The following SEZ6L2 variants were observed in gnomAD, a reference collection of about 807,000 sequenced individuals.
SEZ6L2 encodes the protein seizure 6-like protein 2.
In SEZ6L2, 44 loss-of-function variants were observed where a neutral mutation model predicts 97.0. The ratio of observed to expected loss-of-function variants is 0.45; its 90% CI spans 0.36 to 0.58. The LOEUF (loss-of-function observed/expected upper bound fraction) is 0.58. SEZ6L2 is among the 20% of genes least tolerant of loss of function. The pLI is 0.00. For missense variants in SEZ6L2, 1,086 were observed against 1,233.3 expected, an observed-to-expected ratio of 0.88 and a Z score of 1.79; for synonymous variants, 543 against 546.1, an observed-to-expected ratio of 0.99 and a Z score of 0.08.
chr16:29,878,156 C>T, intron 10 of SEZ6L2, 131 bp downstream of exon 10: 1 of 1,162,134 alleles, frequency 8.6e-7, no homozygotes, highest in Non-Finnish European at 1.2e-6. Context: ...ACCCTTAGTG[C>T]ACCAGCCTAT....
intron 1 of SEZ6L2, among the ~76,000 whole-genome samples, chr16:29,898,314 T>TC: frequency 6.6e-6 from 1 of 152,198 alleles, no homozygotes; most frequent in East Asian, 1.9e-4. Context: ...AGTGGTGATC[T>TC]CCCCCCAACC....
At chr16:29,893,519 T>A (rs1011825470) in intron 5 of SEZ6L2, among the ~76,000 whole-genome samples, 1 of 150,764 alleles carries the variant, frequency 6.6e-6, no homozygotes, top group Admixed American at 6.6e-5. Flanking sequence ...TAGTGGCAGG[T>A]GCCTGTAATC....
intron 6 of SEZ6L2, among the ~76,000 whole-genome samples, chr16:29,888,208 G>A (rs1416350367): frequency 6.6e-6 from 1 of 152,078 alleles, no homozygotes; most frequent in Non-Finnish European, 1.5e-5. Flanking sequence ...GGCTCTCTAG[G>A]ATAGAAGCCC....
chr16:29,882,628 T>C (rs2068053983), intron 8 of SEZ6L2, among the ~76,000 whole-genome samples: 2 of 149,832 alleles, frequency 1.3e-5, no homozygotes, highest in Non-Finnish European at 3.0e-5. Context: ...CTCTGTCACC[T>C]AGGCTGGAGC....
intron 7 of SEZ6L2, among the ~76,000 whole-genome samples, chr16:29,886,383 T>C (rs1052220017): frequency 3.4e-5 from 5 of 146,020 alleles, no homozygotes; most frequent in African/African-American, 1.3e-4. Context: ...AATAAATAAA[T>C]AGATAAATAA....
chr16:29,883,956 TA>T (rs1418351644), intron 8 of SEZ6L2, among the ~76,000 whole-genome samples: 1 of 151,344 alleles, frequency 6.6e-6, no homozygotes, highest in Non-Finnish European at 1.5e-5. Flanking sequence ...AATAATAAAA[TA>T]CCCTCTATCC....
intron 3 of SEZ6L2, among the ~76,000 whole-genome samples, chr16:29,896,079 C>T (rs1391612750): frequency 6.6e-6 from 1 of 152,096 alleles, no homozygotes; most frequent in Non-Finnish European, 1.5e-5. Context: ...CCTCCCTCCT[C>T]AGCCTCCCGA....
At chr16:29,881,500 T>C (rs915100272) in intron 8 of SEZ6L2, among the ~76,000 whole-genome samples, 1 of 152,136 alleles carries the variant, frequency 6.6e-6, no homozygotes, top group Non-Finnish European at 1.5e-5. Context: ...CAGTTTTTAC[T>C]TCAAGTCAGC....
Position 29,897,964 on chromosome 16 carries a change from C to T in SEZ6L2, c.100G>A (p.Glu34Lys). 1 of 1,613,650 alleles carries T rather than the reference C, an allele frequency of 6.2e-7. No homozygotes were observed. Among genetic ancestry groups the T allele is most frequent in the Non-Finnish European group, 8.5e-7 (1 of 1,179,750 alleles). Residue 34 changes from glutamate (E) to lysine (K), a missense_variant, in exon 2 of 18, where the codon GAG becomes AAG. Physicochemically the swap from Glu to Lys is moderately conservative, Grantham distance 56 (BLOSUM62 1). Coordinates refer to ENST00000617533, the MANE Select transcript of SEZ6L2 (RefSeq NM_001243332.2). ...TCACTTCCAGGCTCTGGCAATATCT[C>T]CTCCTCCTTCAGGGGCAGACCTAGG... The part of the protein sequence containing the change: ...WIQGLPLKEE[E>K]ILPEPGSETP...
intron 8 of SEZ6L2, among the ~76,000 whole-genome samples, chr16:29,881,876 C>T (rs1025645089): frequency 1.0e-4 from 15 of 148,770 alleles, no homozygotes; most frequent in African/African-American, 2.5e-4. Flanking sequence ...GTGATCCACC[C>T]GCCTCAGCCT....
chr16:29,893,681 T>C (rs990872616), intron 5 of SEZ6L2, among the ~76,000 whole-genome samples: 4 of 151,514 alleles, frequency 2.6e-5, no homozygotes, highest in Non-Finnish European at 4.4e-5. Flanking sequence ...AATATCTGCC[T>C]GTCACACCTG....
chr16:29,872,840 G>C, intron 14 of SEZ6L2, 97 bp from the exon 15 acceptor site: 1 of 972,666 alleles, frequency 1.0e-6, no homozygotes, highest in Non-Finnish European at 1.6e-6. Context: ...TGGACAGCCT[G>C]GTTCTCTCTG....
Position 29,878,359 on chromosome 16 carries a change from T to C in SEZ6L2, c.1640A>G (p.Tyr547Cys). 1 of 1,608,184 alleles carries C rather than the reference T, an allele frequency of 6.2e-7. No individual in the cohort carries two copies. The highest frequency in any genetic ancestry group is 8.5e-7 in the Non-Finnish European group (1 of 1,176,896). ...CCACACGCAGTCTTGGCCCGGGCTA[T>C]AGCTCTGGGGCCAGTCGGGAGAGAG... ...VVLSPDWPQS[Y>C]SPGQDCVWGV... Residue 547 changes from tyrosine (Y) to cysteine (C), a missense_variant, in exon 10 of 18, where the codon TAT becomes TGT. Coordinates refer to ENST00000617533, the MANE Select transcript of SEZ6L2 (RefSeq NM_001243332.2).
rs1038184879 is a variant in SEZ6L2, at chr16:29,871,519, G to A, written c.*180C>T. The stretch of plus-strand genomic sequence containing the variant: ...GAGAAGAGGCGGCTTTGGGCGGCAG[G>A]ATGCTGGTTTATTTACTGTAGGATC... On this transcript the variant is annotated 3_prime_UTR_variant, in exon 18 of 18. Transcript: ENST00000617533. The A allele has an allele frequency of 2.2e-5, 15 of 669,138 alleles. No individual in the cohort carries two copies. The highest frequency in any genetic ancestry group is 3.5e-5 in the Non-Finnish European group (13 of 371,726). The allele number at this position is 669,138 out of a possible 1,614,324, so 41.5% of individuals were successfully genotyped here.
rs776290201 is a variant in SEZ6L2, at chr16:29,897,953, T to C, written c.111A>G (p.Pro37=). ...GLPLKEEEIL[P]EPGSETPTVA... is the part of the protein sequence containing the mutation. ...CCGTGGGGGTCTCACTTCCAGGCTCTGGCAATATCTCCTCCTCCTTCAGGG... is the reference window on the plus strand; with the variant it reads ...CCGTGGGGGTCTCACTTCCAGGCTCCGGCAATATCTCCTCCTCCTTCAGGG... Residue 37 remains proline (P), a synonymous_variant, in exon 2 of 18, where the codon CCA becomes CCG. Coordinates refer to ENST00000617533, the MANE Select transcript of SEZ6L2 (RefSeq NM_001243332.2). 3.1e-6 allele frequency: 5 copies of C among 1,613,648 alleles called. No individual in the cohort carries two copies. The highest frequency in any genetic ancestry group is 2.7e-5 in the African/African-American group (2 of 74,940).
At chr16:29,898,191 CTCTCCCT>C (rs961337045) in intron 1 of SEZ6L2, among the ~76,000 whole-genome samples, 4 of 152,176 alleles carry the variant, frequency 2.6e-5, no homozygotes, top group African/African-American at 9.7e-5. Context: ...CTCCCCTCCC[CTCTCCCT>C]TCTCCCTGGG....
At chr16:29,885,485 G>T (rs2068117354) in intron 8 of SEZ6L2, 101 bp downstream of exon 8, 1 of 1,278,848 alleles carries the variant, frequency 7.8e-7, no homozygotes, top group Non-Finnish European at 1.1e-6. Context: ...AACCCAGCAC[G>T]GAGATGAACA....
intron 10 of SEZ6L2, 105 bp from the exon 11 acceptor site, chr16:29,877,572 C>T (rs2067936812): frequency 2.9e-6 from 3 of 1,035,886 alleles, no homozygotes; most frequent in East Asian, 5.6e-5. Context: ...TCCTACTCTC[C>T]AGCCCCGCCC....
At chr16:29,889,926 TGAG>T (rs1166728827) in intron 5 of SEZ6L2, among the ~76,000 whole-genome samples, 12 of 152,100 alleles carry the variant, frequency 7.9e-5, no homozygotes, top group South Asian at 2.1e-4. Flanking sequence ...TTTTTGTTTT[TGAG>T]GAGAAGTCTC....
Sources: gnomAD v4.1 joint callset for allele counts (sites outside exome capture counted in the v4.1 genomes callset) on GRCh38, gnomAD v4.1.1 for gene constraint, MANE v1.5 for transcripts, NCBI Gene and HGNC (gene_info 2026-07-23, HGNC 2026-07-21) for gene names.